The following MTMR3 variants were observed in gnomAD, a reference collection of about 807,000 sequenced individuals.
MTMR3 encodes the protein myotubularin related protein 3.
MTMR3 carries 32 observed loss-of-function variants against 132.4 expected under a neutral mutation model. The observed-to-expected ratio is 0.24, with a 90% confidence interval of 0.18 to 0.32. The LOEUF is 0.32. MTMR3 is among the 10% of genes least tolerant of loss of function. MTMR3 has a pLI of 1.00. For missense variants in MTMR3, 1,216 were observed against 1,489.6 expected (o/e 0.82, Z 3.02); for synonymous variants, 556 against 550.3 (o/e 1.01, Z -0.14).
At chr22:29,963,257 GT>G (rs1170304447) in intron 2 of MTMR3, among the ~76,000 whole-genome samples, 1 of 151,648 alleles carries the variant, frequency 6.6e-6, no homozygotes, top group Non-Finnish European at 1.5e-5. Flanking sequence ...CAATTTTTGT[GT>G]TTTTTGTAGA....
intron 2 of MTMR3, among the ~76,000 whole-genome samples, chr22:29,959,373 T>A (rs1185700440): frequency 6.6e-6 from 1 of 152,152 alleles, no homozygotes; most frequent in Non-Finnish European, 1.5e-5. Flanking sequence ...TAATCCTTTT[T>A]ATTTTATTTA....
intron 14 of MTMR3, 24 bp from the exon 15 acceptor site, chr22:30,016,504 T>C: frequency 1.2e-6 from 2 of 1,610,506 alleles, no homozygotes; most frequent in South Asian, 1.1e-5. Flanking sequence ...ATTGCTTAAT[T>C]TGTGCTTCAT....
rs139441560 is a variant in MTMR3, at chr22:30,020,736, C to T, written c.3077C>T (p.Thr1026Met). Residue 1026 changes from threonine (T) to methionine (M), a missense_variant, in exon 17 of 20, where the codon ACG (threonine) becomes ATG (methionine). Physicochemically the swap from Thr to Met is moderately conservative, Grantham distance 81. Around this residue, in one of 7 missense-constraint regions of MTMR3, gnomAD observed 852 missense variants for 852.0 expected, o/e 1.00. Transcript: ENST00000401950. ...DDDGMSVYTD[T>M]IQQRLRQIES... ...GATGGCATGTCAGTGTACACAGACA[C>T]GATCCAACAGCGCCTGCGTCAGATT... is the stretch of plus-strand genomic sequence containing the variant. 8.4e-5 allele frequency: 136 copies of T among 1,614,076 alleles called. 1 individual carries two copies. The highest frequency in any genetic ancestry group is 3.3e-4 in the Middle Eastern group (2 of 6,084).
chr22:29,943,984 T>A (rs2065907027), intron 1 of MTMR3, among the ~76,000 whole-genome samples: 1 of 151,874 alleles, frequency 6.6e-6, no homozygotes, highest in South Asian at 2.1e-4. Flanking sequence ...CCACCATGAC[T>A]GGCTAATTTT....
At chr22:29,940,283 A>G (rs754278864) in intron 1 of MTMR3, among the ~76,000 whole-genome samples, 2 of 152,106 alleles carry the variant, frequency 1.3e-5, no homozygotes, top group African/African-American at 4.8e-5. Flanking sequence ...AAAAAAAAAT[A>G]CTTTGTAATA....
chr22:30,003,681 A>C (rs2067220190), intron 9 of MTMR3: 1 of 152,170 alleles, frequency 6.6e-6, no homozygotes. Context: ...TATTTTGTAG[A>C]TATGTTCTGA....
intron 8 of MTMR3, chr22:29,999,108 C>G (rs1472988967): frequency 4.1e-6 from 1 of 245,498 alleles, no homozygotes; most frequent in East Asian, 8.4e-5. Flanking sequence ...TCTGTTTTTT[C>G]TGGTACATGC....
intron 1 of MTMR3, among the ~76,000 whole-genome samples, chr22:29,937,954 G>C (rs1448950974): frequency 6.6e-6 from 1 of 152,080 alleles, no homozygotes; most frequent in Non-Finnish European, 1.5e-5. Flanking sequence ...ATTCCAGGCA[G>C]CAATTTTACA....
chr22:29,935,191 G>T (rs571564331), intron 1 of MTMR3, among the ~76,000 whole-genome samples: 2 of 152,216 alleles, frequency 1.3e-5, no homozygotes, highest in East Asian at 3.9e-4. Flanking sequence ...TATAGTATTT[G>T]ATCAATTTAC....
chr22:29,975,950 A>G (rs569119903), intron 3 of MTMR3, among the ~76,000 whole-genome samples: 10 of 152,292 alleles, frequency 6.6e-5, no homozygotes, highest in Middle Eastern at 3.4e-3. Flanking sequence ...ATCTGAAACC[A>G]TATCAGTGAA....
chr22:30,022,303 A>T (rs959440869), intron 18 of MTMR3, 164 bp downstream of exon 18: 5 of 628,412 alleles, frequency 8.0e-6, no homozygotes, highest in Non-Finnish European at 1.1e-5. Flanking sequence ...GAAGCCTAGG[A>T]TTTCTGAGCC....
At chr22:29,944,187 G>C (rs921478710) in intron 1 of MTMR3, among the ~76,000 whole-genome samples, 3 of 151,786 alleles carry the variant, frequency 2.0e-5, no homozygotes, top group Non-Finnish European at 2.9e-5. Flanking sequence ...ACAGTGTTTC[G>C]TGGTTCCTTT....
chr22:29,929,341 A>G (rs1035783122), intron 1 of MTMR3, among the ~76,000 whole-genome samples: 26 of 152,042 alleles, frequency 1.7e-4, no homozygotes, highest in African/African-American at 4.8e-4. Context: ...AAATTAAGCA[A>G]CATCTTACTT....
intron 9 of MTMR3, chr22:30,006,127 T>C (rs2067269378): frequency 6.6e-6 from 1 of 152,252 alleles, no homozygotes; most frequent in African/African-American, 2.4e-5. Flanking sequence ...TATTCCTCTT[T>C]ACTGCCAAGT....
intron 1 of MTMR3, among the ~76,000 whole-genome samples, chr22:29,891,216 A>G (rs2064791911): frequency 6.6e-6 from 1 of 152,010 alleles, no homozygotes; most frequent in Non-Finnish European, 1.5e-5. Flanking sequence ...ATACGAACAA[A>G]AAATCAACAA....
chr22:30,019,393 A>T, intron 16 of MTMR3, 87 bp from the exon 17 acceptor site: 1 of 1,299,144 alleles, frequency 7.7e-7, no homozygotes, highest in Non-Finnish European at 1.1e-6. Flanking sequence ...CCCAGTTATG[A>T]AACAACTGCT....
rs116422872 is a variant in MTMR3 at position 29,979,176 on chromosome 22, T to C, written c.210+124T>C. 2,257 of 691,034 alleles carry C rather than the reference T, an allele frequency of 3.3e-3. 40 individuals are homozygous for C. The African/African-American group carries it at 0.037, about 11-fold the overall frequency. The allele number at this position is 691,034 out of a possible 1,614,324, so 42.8% of individuals were successfully genotyped here. ...GAGAAAGCATTATGTGCTCTGCTTT[T>C]CTCACTTAATTTAGCACTCAAGGAA... On this transcript the variant is annotated intron_variant, in intron 5 of 19. Transcript: ENST00000401950.
rs572877751 is a variant in MTMR3 at position 29,899,127 on chromosome 22, G to A, written c.-138+15768G>A. On this transcript the variant is annotated intron_variant, in intron 1 of 19. Transcript: ENST00000401950. ...TAGCATTTACCTCCAGTGGGGTTGA[G>A]ATGAGGAGCCTTCAATCCAACAAAG... 3.9e-5 allele frequency among the ~76,000 whole-genome samples: 6 copies of A among 152,294 alleles called. No individual in the cohort carries two copies. In the South Asian group the frequency reaches 1.2e-3, roughly 32 times the overall value.
intron 2 of MTMR3, among the ~76,000 whole-genome samples, chr22:29,961,005 T>G (rs2066300525): frequency 6.6e-6 from 1 of 152,228 alleles, no homozygotes; most frequent in Non-Finnish European, 1.5e-5. Flanking sequence ...ATATAGTTTT[T>G]TGTGTATGTA....
Sources: allele counts gnomAD v4.1 joint callset (sites outside exome capture counted in the v4.1 genomes callset), GRCh38; gene constraint gnomAD v4.1.1; regional missense constraint gnomAD v4.1.1; transcripts MANE v1.5; gene names NCBI Gene and HGNC (gene_info 2026-07-23, HGNC 2026-07-21).